The following GLDC variants were observed in gnomAD, a reference collection of about 807,000 sequenced individuals.
GLDC encodes glycine dehydrogenase (decarboxylating), mitochondrial.
GLDC carries 104 observed loss-of-function variants against 121.3 expected under a neutral mutation model. The observed-to-expected ratio is 0.86, with a 90% CI of 0.73 to 1.01. The LOEUF (loss-of-function observed/expected upper bound fraction) is 1.01. GLDC is among the 50% of genes least tolerant of loss of function. GLDC has a pLI of 0.00. For synonymous variants in GLDC, 546 were observed against 480.6 expected, an observed-to-expected ratio of 1.14 and a Z score of -1.78; for missense variants, 1,429 against 1,306.6, an observed-to-expected ratio of 1.09 and a Z score of -1.44.
At chr9:6,595,694 G>C (rs374112490) in intron 8 of GLDC, among the ~76,000 whole-genome samples, 35 of 152,256 alleles carry the variant, frequency 2.3e-4, no homozygotes, top group African/African-American at 7.5e-4. Context: ...AGCTGGGAGC[G>C]GGGTGGTGTG....
At chr9:6,573,851 T>G (rs928593872) in intron 15 of GLDC, among the ~76,000 whole-genome samples, 2 of 152,186 alleles carry the variant, frequency 1.3e-5, no homozygotes, top group African/African-American at 4.8e-5. Context: ...TGGGTGCAGA[T>G]TCCTATCTAC....
chr9:6,588,080 AT>A (rs1192587834), intron 14 of GLDC, among the ~76,000 whole-genome samples: 3 of 118,432 alleles, frequency 2.5e-5, no homozygotes, highest in African/African-American at 9.9e-5. Context: ...ACTATAAACA[AT>A]TTTTTTTAAA....
chr9:6,594,700 G>C (rs112065815), intron 9 of GLDC, among the ~76,000 whole-genome samples: 158 of 151,070 alleles, frequency 1.0e-3, no homozygotes, highest in African/African-American at 3.7e-3. Context: ...ATTAAGCAAG[G>C]AAGCAAGCAA....
At chr9:6,607,949 C>T (rs532480780) in intron 4 of GLDC, among the ~76,000 whole-genome samples, 22 of 151,918 alleles carry the variant, frequency 1.4e-4, no homozygotes, top group African/African-American at 4.6e-4. Context: ...ATGGCAAAAC[C>T]CTATCTCTAC....
At chr9:6,644,899 G>C (rs1177201717) in intron 1 of GLDC, 7 of 629,368 alleles carry the variant, frequency 1.1e-5, no homozygotes, top group East Asian at 2.7e-5. Context: ...ACTCGGGGTT[G>C]GATTTCAGTT....
At chr9:6,613,668 C>G (rs529546023) in intron 3 of GLDC, among the ~76,000 whole-genome samples, 1 of 152,240 alleles carries the variant, frequency 6.6e-6, no homozygotes, top group Non-Finnish European at 1.5e-5. Flanking sequence ...CAGTTGAATA[C>G]TTTTGATTTC....
chr9:6,548,820 G>C lies in GLDC; in HGVS notation c.2569+1983C>G, dbSNP rs541339325. 1.1e-4 allele frequency among the ~76,000 whole-genome samples: 17 copies of C among 152,218 alleles called. No homozygotes were observed. In the South Asian group the frequency reaches 3.3e-3, roughly 30 times the overall value. On this transcript the variant is annotated intron_variant, in intron 21 of 24. Coordinates refer to ENST00000321612, the MANE Select transcript of GLDC (RefSeq NM_000170.3). ...AGCCTTTCCCTTCCAGGGTGACTTT[G>C]TTCCCCCATCTGTTTTTCTCTCAAA...
intron 8 of GLDC, among the ~76,000 whole-genome samples, chr9:6,597,860 C>T (rs1179106165): frequency 1.3e-5 from 2 of 151,788 alleles, no homozygotes; most frequent in African/African-American, 4.8e-5. Context: ...GGCGTGAACC[C>T]GGGAGGCAGA....
chr9:6,587,403 T>G, intron 14 of GLDC, 120 bp from the exon 15 acceptor site: 1 of 739,700 alleles, frequency 1.4e-6, no homozygotes, highest in Non-Finnish European at 2.3e-6. Context: ...CTAAGCGCTA[T>G]ACATATGTTA....
intron 2 of GLDC, among the ~76,000 whole-genome samples, chr9:6,629,959 T>TATATATATGTATACATATATATATATATA (rs1449751329): frequency 8.9e-5 from 5 of 55,870 alleles, no homozygotes; most frequent in African/African-American, 3.0e-4. Context: ...ATATATATAT[T>TATATATATGTATACATATATATATATATA]TTTTTTTTTT....
chr9:6,582,674 A>G (rs1309834923), intron 15 of GLDC, among the ~76,000 whole-genome samples: 5 of 151,588 alleles, frequency 3.3e-5, no homozygotes, highest in Non-Finnish European at 7.4e-5. Flanking sequence ...CTAAAAATAC[A>G]AAAAATTAGC....
At chr9:6,615,298 G>C (rs1011351792) in intron 3 of GLDC, among the ~76,000 whole-genome samples, 1 of 151,996 alleles carries the variant, frequency 6.6e-6, no homozygotes, top group African/African-American at 2.4e-5. Flanking sequence ...TATGTTTTAA[G>C]ACTCAGTATA....
At chr9:6,622,706 G>C (rs1319694085) in intron 2 of GLDC, 1 of 198,340 alleles carries the variant, frequency 5.0e-6, no homozygotes. Context: ...GCCGCCCATG[G>C]TCTGGGATGT....
chr9:6,598,715 T>C (rs1818540144), intron 8 of GLDC, among the ~76,000 whole-genome samples: 1 of 152,136 alleles, frequency 6.6e-6, no homozygotes, highest in Non-Finnish European at 1.5e-5. Flanking sequence ...TGCAGTGAAA[T>C]AGACAGTGAA....
rs1183976692 is a variant in GLDC at position 6,602,164 on chromosome 9, G to A, written c.1100C>T (p.Thr367Ile). The A allele has an allele frequency of 6.2e-7, 1 of 1,613,346 alleles. No individual in the cohort carries two copies. Reference sequence around the variant, plus strand: ...GTCTCTCCGAATGTGTTGCTCCCTGGTTTGAAGAGCAAGACGATACACTTC... The same window carrying A: ...GTCTCTCCGAATGTGTTGCTCCCTGATTTGAAGAGCAAGACGATACACTTC... ...GKEVYRLALQ[T>I]REQHIRRDKA... The change falls in exon 8 of 25, where the codon ACC becomes ATC. Residue 367 changes from threonine to isoleucine, a missense_variant. Transcript: ENST00000321612.
At position 6,606,568 on chromosome 9, in the gene GLDC, T is replaced by C. The variant is rs900428795; in HGVS notation, c.713+24A>G. 9.3e-6 allele frequency: 13 copies of C among 1,392,622 alleles called. No individual in the cohort carries two copies. The African/African-American group carries it at 1.7e-4, about 18-fold the overall frequency. The allele number at this position is 1,392,622 out of a possible 1,614,324, so 86.3% of individuals were successfully genotyped here. ...GATGAACATGACATTATACTGAGTT[T>C]AAAACACGAATCAAATTAATTACTT... On this transcript the variant is annotated intron_variant, in intron 5 of 24. Transcript: ENST00000321612.
intron 23 of GLDC, among the ~76,000 whole-genome samples, chr9:6,535,742 T>C (rs1817113726): frequency 6.6e-6 from 1 of 152,208 alleles, no homozygotes; most frequent in Admixed American, 6.5e-5. Context: ...TGTGTGCTTG[T>C]ACAGAGTTTG....
intron 13 of GLDC, 61 bp from the exon 14 acceptor site, chr9:6,588,503 C>A: frequency 6.7e-7 from 1 of 1,483,294 alleles, no homozygotes; most frequent in Non-Finnish European, 9.4e-7. Flanking sequence ...ATCAATCAAC[C>A]CTCCATTCTC....
At chr9:6,596,870 G>C (rs914594466) in intron 8 of GLDC, among the ~76,000 whole-genome samples, 2 of 152,152 alleles carry the variant, frequency 1.3e-5, no homozygotes, top group East Asian at 3.8e-4. Context: ...ATATGACCCA[G>C]CAATTTCACT....
Sources: gnomAD v4.1 joint callset for allele counts (sites outside exome capture counted in the v4.1 genomes callset) on GRCh38, gnomAD v4.1.1 for gene constraint, MANE v1.5 for transcripts, NCBI Gene and HGNC (gene_info 2026-07-23, HGNC 2026-07-21) for gene names.